Variants in BICC1 observed in about 807,000 individuals in gnomAD.
BICC1 encodes BicC family RNA binding protein 1, also known as protein bicaudal C homolog 1.
A neutral mutation model predicts 111.0 loss-of-function variants in BICC1; 43 were observed. The observed-to-expected ratio is 0.39, with a 90% CI of 0.30 to 0.50. BICC1 has a LOEUF of 0.50. BICC1 is among the 20% of genes least tolerant of loss of function. The probability of loss-of-function intolerance (pLI) is 0.88; values close to 1 mark genes in which losing one functional copy is unlikely to be tolerated. For missense variants in BICC1, 1,091 were observed against 1,203.2 expected, an observed-to-expected ratio of 0.91 and a Z score of 1.38; for synonymous variants, 467 against 434.4, an observed-to-expected ratio of 1.07 and a Z score of -0.93.
At chr10:58,745,538 CA>C (rs1461097885) in intron 3 of BICC1, among the ~76,000 whole-genome samples, 1 of 151,172 alleles carries the variant, frequency 6.6e-6, no homozygotes, top group African/African-American at 2.4e-5. Flanking sequence ...AAAGCAGAAC[CA>C]TGTTCCCTTC....
At chr10:58,703,191 G>T (rs750900639) in intron 3 of BICC1, among the ~76,000 whole-genome samples, 4 of 146,322 alleles carry the variant, frequency 2.7e-5, no homozygotes, top group Non-Finnish European at 6.0e-5. Flanking sequence ...TGGAGACAGG[G>T]TCTCACTCTG....
At chr10:58,591,574 C>T (rs1303019640) in intron 1 of BICC1, among the ~76,000 whole-genome samples, 1 of 152,180 alleles carries the variant, frequency 6.6e-6, no homozygotes, top group Admixed American at 6.5e-5. Context: ...GAAGACCCCA[C>T]CTATTGATAA....
intron 2 of BICC1, among the ~76,000 whole-genome samples, chr10:58,684,860 GTC>G (rs976299063): frequency 6.6e-6 from 1 of 152,092 alleles, no homozygotes; most frequent in African/African-American, 2.4e-5. Context: ...GTTTTTTTGT[GTC>G]TCTTATCTCC....
At chr10:58,682,978 A>G (rs544543042) in intron 2 of BICC1, among the ~76,000 whole-genome samples, 1 of 152,160 alleles carries the variant, frequency 6.6e-6, no homozygotes, top group Non-Finnish European at 1.5e-5. Flanking sequence ...CCTGAATGGT[A>G]TTGCCTAGGT....
intron 3 of BICC1, among the ~76,000 whole-genome samples, chr10:58,755,818 G>A (rs1842128276): frequency 6.6e-6 from 1 of 152,074 alleles, no homozygotes; most frequent in South Asian, 2.1e-4. Context: ...AGGCTTCTCT[G>A]CATTGGCCAC....
At position 58,732,729 on chromosome 10, in the gene BICC1, T is replaced by G. The variant is rs557191981; in HGVS notation, c.307+30586T>G. Among the ~76,000 whole-genome samples the G allele has an allele frequency of 1.2e-4, 19 of 152,052 alleles. No individual in the cohort carries two copies. The South Asian group carries it at 2.5e-3, about 20-fold the overall frequency. On this transcript the variant is annotated intron_variant, in intron 3 of 20. Transcript: ENST00000373886. ...CCAGGAGGTCGAGGCTGCAGTGAGCTGTATTTTGCACCACTGCATTCCAGC... is the reference window on the plus strand; with the variant it reads ...CCAGGAGGTCGAGGCTGCAGTGAGCGGTATTTTGCACCACTGCATTCCAGC...
At chr10:58,801,233 C>G (rs182364971) in intron 14 of BICC1, among the ~76,000 whole-genome samples, 187 bp downstream of exon 14, 1 of 152,242 alleles carries the variant, frequency 6.6e-6, no homozygotes, top group Admixed American at 6.5e-5. Context: ...TCTGTCTTCT[C>G]TATAGTCCCT....
intron 16 of BICC1, 107 bp from the exon 17 acceptor site, chr10:58,806,897 C>T: frequency 3.1e-6 from 3 of 970,414 alleles, no homozygotes; most frequent in Non-Finnish European, 4.6e-6. Context: ...AAATAACATT[C>T]AGTGATAATT....
At chr10:58,577,491 G>GA (rs1844147447) in intron 1 of BICC1, among the ~76,000 whole-genome samples, 1 of 152,176 alleles carries the variant, frequency 6.6e-6, no homozygotes, top group Non-Finnish European at 1.5e-5. Flanking sequence ...TCCAGATAAA[G>GA]AATATGGAAG....
At chr10:58,603,865 A>T (rs1845122499) in intron 1 of BICC1, among the ~76,000 whole-genome samples, 1 of 152,206 alleles carries the variant, frequency 6.6e-6, no homozygotes, top group African/African-American at 2.4e-5. Context: ...CTAGTTACTC[A>T]TTTGGTACTT....
chr10:58,698,179 G>C (rs928360992), intron 2 of BICC1, among the ~76,000 whole-genome samples: 1 of 152,154 alleles, frequency 6.6e-6, no homozygotes, highest in Non-Finnish European at 1.5e-5. Context: ...TTAAGCACAG[G>C]TACTTGGTGG....
chr10:58,830,023 C>T lies in BICC1; in HGVS notation c.*1132C>T, dbSNP rs139396664. On this transcript the variant is annotated 3_prime_UTR_variant, in exon 21 of 21. Coordinates refer to ENST00000373886, the MANE Select transcript of BICC1 (RefSeq NM_001080512.3). Reference sequence around the variant, plus strand: ...TTATCATGTACACGTTAGCTATGTTCCGTATGGCCACAGGACTTTCCTGAA... The same window carrying T: ...TTATCATGTACACGTTAGCTATGTTTCGTATGGCCACAGGACTTTCCTGAA... 81 of 152,078 alleles carry T rather than the reference C, an allele frequency of 5.3e-4. No individual in the cohort carries two copies. The highest frequency in any genetic ancestry group is 2.0e-3 in the African/African-American group (81 of 41,512). The allele number at this position is 152,078 out of a possible 1,614,324, so 9.4% of individuals were successfully genotyped here. A position where few individuals can be genotyped will look rare whatever the true frequency, so the allele number is the denominator to read the frequency against.
intron 1 of BICC1, among the ~76,000 whole-genome samples, chr10:58,599,693 C>T (rs975233385): frequency 2.0e-5 from 3 of 152,094 alleles, no homozygotes; most frequent in African/African-American, 7.2e-5. Flanking sequence ...TGTCCTCTTT[C>T]TCTCTCCTTA....
At chr10:58,805,311 AAAC>A (rs1376370125) in intron 15 of BICC1, among the ~76,000 whole-genome samples, 2 of 136,894 alleles carry the variant, frequency 1.5e-5, no homozygotes, top group African/African-American at 6.8e-5. Flanking sequence ...ACAAACAAAC[AAAC>A]AAAAAAACTG....
At chr10:58,660,313 A>G (rs1339664224) in intron 2 of BICC1, among the ~76,000 whole-genome samples, 2 of 152,174 alleles carry the variant, frequency 1.3e-5, no homozygotes, top group Non-Finnish European at 1.5e-5. Flanking sequence ...TAAGGAGAGT[A>G]TAGTAATAGG....
At chr10:58,809,212 T>C (rs1251245358) in intron 17 of BICC1, among the ~76,000 whole-genome samples, 1 of 151,568 alleles carries the variant, frequency 6.6e-6, no homozygotes, top group Non-Finnish European at 1.5e-5. Flanking sequence ...TTTTTTTCTT[T>C]TTTAGTAGAC....
chr10:58,714,847 C>T (rs1840686893), intron 3 of BICC1, among the ~76,000 whole-genome samples: 1 of 147,954 alleles, frequency 6.8e-6, no homozygotes, highest in Non-Finnish European at 1.5e-5. Context: ...ATATTGAAGA[C>T]ACTGTGTGGC....
intron 3 of BICC1, among the ~76,000 whole-genome samples, chr10:58,767,149 G>A (rs1181306479): frequency 3.3e-5 from 5 of 152,042 alleles, no homozygotes; most frequent in African/African-American, 1.2e-4. Context: ...CAATTCTGAT[G>A]CACATTCCTT....
intron 1 of BICC1, among the ~76,000 whole-genome samples, chr10:58,547,207 A>G (rs1781055096): frequency 6.6e-6 from 1 of 152,064 alleles, no homozygotes; most frequent in African/African-American, 2.4e-5. Context: ...TTCTTTTTCT[A>G]TTCTGGGACT....
Sources: allele counts gnomAD v4.1 joint callset (sites outside exome capture counted in the v4.1 genomes callset), GRCh38; gene constraint gnomAD v4.1.1; transcripts MANE v1.5; gene names NCBI Gene and HGNC (gene_info 2026-07-23, HGNC 2026-07-21).